Variants in NRXN3 observed in about 807,000 individuals in gnomAD.
The protein encoded by NRXN3 is neurexin 3, also known as neurexin III.
A neutral mutation model predicts 137.6 loss-of-function variants in NRXN3; 32 were observed. The observed-to-expected ratio is 0.23, with a 90% CI of 0.18 to 0.31. NRXN3 has a LOEUF of 0.31. NRXN3 is among the 10% of genes least tolerant of loss of function. NRXN3 has a pLI of 1.00. For missense variants in NRXN3, 1,574 were observed against 2,062.5 expected (o/e 0.76, Z 4.59); for synonymous variants, 798 against 784.5 (o/e 1.02, Z -0.29).
intron 8 of NRXN3, among the ~76,000 whole-genome samples, chr14:78,782,537 A>G (rs1442272095): frequency 6.6e-6 from 1 of 152,216 alleles, no homozygotes; most frequent in African/African-American, 2.4e-5. Flanking sequence ...GAAATTCTAA[A>G]TCATAACTGT....
intron 10 of NRXN3, among the ~76,000 whole-genome samples, chr14:78,891,374 G>T (rs2099158367): frequency 6.6e-6 from 1 of 151,944 alleles, no homozygotes; most frequent in Non-Finnish European, 1.5e-5. Context: ...CTGAACTCTG[G>T]CATGATGACT....
chr14:79,730,625 C>T (rs932893651), intron 19 of NRXN3, among the ~76,000 whole-genome samples: 1 of 152,090 alleles, frequency 6.6e-6, no homozygotes, highest in Non-Finnish European at 1.5e-5. Context: ...ATCTCTGTAG[C>T]CTGTTATAAT....
intron 10 of NRXN3, among the ~76,000 whole-genome samples, chr14:78,847,522 G>A (rs989588102): frequency 6.6e-6 from 1 of 152,032 alleles, no homozygotes; most frequent in African/African-American, 2.4e-5. Flanking sequence ...AGGAGAAGGA[G>A]GAAATCGAGT....
At chr14:79,078,526 CTAAG>C (rs756505239) in intron 15 of NRXN3, among the ~76,000 whole-genome samples, 2 of 152,064 alleles carry the variant, frequency 1.3e-5, no homozygotes, top group Non-Finnish European at 2.9e-5. Flanking sequence ...CATGAGGACA[CTAAG>C]TAAGATGAAG....
intron 16 of NRXN3, among the ~76,000 whole-genome samples, chr14:79,510,925 G>C (rs1038970782): frequency 9.9e-5 from 15 of 152,084 alleles, no homozygotes; most frequent in African/African-American, 2.9e-4. Flanking sequence ...CCCATCACAG[G>C]CTCCCCAGTG....
At chr14:78,622,219 A>G (rs2097413097) in intron 4 of NRXN3, among the ~76,000 whole-genome samples, 1 of 152,130 alleles carries the variant, frequency 6.6e-6, no homozygotes, top group African/African-American at 2.4e-5. Context: ...AATAGCATTC[A>G]CTTGTCCTCA....
chr14:78,400,343 T>TC (rs1175283456), intron 4 of NRXN3, among the ~76,000 whole-genome samples: 1 of 152,208 alleles, frequency 6.6e-6, no homozygotes, highest in Non-Finnish European at 1.5e-5. Context: ...TCAGCTGTCT[T>TC]CCTTTATCTG....
chr14:78,608,787 T>G (rs1293846834), intron 4 of NRXN3, among the ~76,000 whole-genome samples: 2 of 152,204 alleles, frequency 1.3e-5, no homozygotes, highest in South Asian at 4.1e-4. Flanking sequence ...ATTATTACCA[T>G]AGTGCTACCC....
chr14:79,688,343 A>G (rs2154022619), intron 17 of NRXN3, among the ~76,000 whole-genome samples: 1 of 152,286 alleles, frequency 6.6e-6, no homozygotes, highest in South Asian at 2.1e-4. Flanking sequence ...TTGTCTCCAG[A>G]GCCCATGGTC....
intron 4 of NRXN3, among the ~76,000 whole-genome samples, chr14:78,380,523 A>G (rs1022292198): frequency 6.6e-6 from 1 of 152,154 alleles, no homozygotes; most frequent in African/African-American, 2.4e-5. Flanking sequence ...AGGAGAAGGC[A>G]ATGTGAAGAC....
chr14:79,358,613 G>GAAAGA (rs1378603575), intron 15 of NRXN3, among the ~76,000 whole-genome samples: 8 of 129,064 alleles, frequency 6.2e-5, no homozygotes, highest in Non-Finnish European at 9.7e-5. Flanking sequence ...GAAAGAGAAA[G>GAAAGA]AAAGAAAGAA....
In NRXN3 at chr14:79,639,369, C is replaced by T. The variant is rs570634236; in HGVS notation, c.3445-24409C>T. On this transcript the variant is annotated intron_variant, in intron 16 of 20. Transcript: ENST00000335750. ...TTTTCTGCTCCTCTCCTTCCTCCTA[C>T]CCTCTACCCTCAAGTAGACCTCAGT... is the stretch of plus-strand genomic sequence containing the variant. 1.1e-4 allele frequency among the ~76,000 whole-genome samples: 17 copies of T among 152,262 alleles called. 1 individual carries two copies. The South Asian group carries it at 2.7e-3, about 24-fold the overall frequency.
intron 2 of NRXN3, among the ~76,000 whole-genome samples, chr14:78,259,997 G>A (rs1041954098): frequency 6.6e-6 from 1 of 152,164 alleles, no homozygotes; most frequent in African/African-American, 2.4e-5. Flanking sequence ...GAGCCTATGT[G>A]GACATGCATG....
At chr14:78,212,712 A>G (rs896119204) in intron 1 of NRXN3, among the ~76,000 whole-genome samples, 2 of 152,176 alleles carry the variant, frequency 1.3e-5, no homozygotes, top group African/African-American at 4.8e-5. Flanking sequence ...TTTTAAGAAG[A>G]TACACTGTGC....
At chr14:78,884,630 T>C (rs2099138117) in intron 10 of NRXN3, among the ~76,000 whole-genome samples, 1 of 152,214 alleles carries the variant, frequency 6.6e-6, no homozygotes, top group Admixed American at 6.5e-5. Flanking sequence ...ACTTACATAG[T>C]GATAAAATGA....
chr14:78,927,764 T>C (rs996005838), intron 10 of NRXN3, among the ~76,000 whole-genome samples: 6 of 152,290 alleles, frequency 3.9e-5, no homozygotes, highest in South Asian at 2.1e-4. Flanking sequence ...CTTTGATGCA[T>C]GCAAACTTAA....
At chr14:79,226,881 T>A (rs2070990027) in intron 15 of NRXN3, among the ~76,000 whole-genome samples, 1 of 148,826 alleles carries the variant, frequency 6.7e-6, no homozygotes, top group African/African-American at 2.5e-5. Flanking sequence ...AGTGACATGA[T>A]CTCGGCTCAC....
intron 8 of NRXN3, among the ~76,000 whole-genome samples, chr14:78,717,704 G>A (rs1353516730): frequency 1.3e-5 from 2 of 152,120 alleles, no homozygotes; most frequent in East Asian, 3.9e-4. Flanking sequence ...TGAAGCCCTA[G>A]TGTGTTCCAG....
intron 16 of NRXN3, among the ~76,000 whole-genome samples, chr14:79,616,059 T>C (rs2098151532): frequency 6.6e-6 from 1 of 152,132 alleles, no homozygotes; most frequent in African/African-American, 2.4e-5. Context: ...TTGAGAGTCA[T>C]ACTAGTCACA....
Sources: allele counts gnomAD v4.1 joint callset (sites outside exome capture counted in the v4.1 genomes callset), GRCh38; gene constraint gnomAD v4.1.1; transcripts MANE v1.5; gene names NCBI Gene and HGNC (gene_info 2026-07-23, HGNC 2026-07-21).